Variants in SPOP observed in about 807,000 individuals in gnomAD.
SPOP encodes speckle-type POZ protein.
Under a neutral mutation model 45.6 loss-of-function variants are expected in SPOP, and 11 were observed. The observed-to-expected ratio is 0.24, with a 90% confidence interval of 0.15 to 0.40. The LOEUF is 0.40. Ranked by LOEUF, SPOP falls within the 10% of genes least tolerant of loss-of-function variation. The probability of loss-of-function intolerance (pLI) is 1.00; values close to 1 mark genes in which losing one functional copy is unlikely to be tolerated. For missense variants in SPOP, 152 were observed against 465.6 expected, an observed-to-expected ratio of 0.33 and a Z score of 6.20; for synonymous variants, 166 against 166.3, an observed-to-expected ratio of 1.00 and a Z score of 0.01.
At chr17:49,648,130 T>C (rs186196245) in intron 1 of SPOP, among the ~76,000 whole-genome samples, 28 of 152,354 alleles carry the variant, frequency 1.8e-4, no homozygotes, top group Admixed American at 1.6e-3. Flanking sequence ...TTATCCATTT[T>C]TGTCCAAGCC....
intron 2 of SPOP, 54 bp downstream of exon 2, chr17:49,622,679 G>A (rs559616694): frequency 4.0e-6 from 6 of 1,505,266 alleles, no homozygotes; most frequent in East Asian, 4.5e-5. Flanking sequence ...TACTCCTTTC[G>A]TCCACCAAAT....
intron 6 of SPOP, among the ~76,000 whole-genome samples, chr17:49,608,380 T>C (rs2071894617): frequency 6.6e-6 from 1 of 152,198 alleles, no homozygotes. Context: ...TGGCATCCAC[T>C]AACCAGATGA....
intron 5 of SPOP, among the ~76,000 whole-genome samples, chr17:49,612,309 T>A (rs1018052113): frequency 1.3e-5 from 2 of 152,232 alleles, no homozygotes; most frequent in African/African-American, 4.8e-5. Flanking sequence ...TTAATGAACA[T>A]GACATTATTG....
chr17:49,645,059 T>G (rs1218552814), intron 1 of SPOP, among the ~76,000 whole-genome samples: 1 of 152,134 alleles, frequency 6.6e-6, no homozygotes, highest in African/African-American at 2.4e-5. Context: ...CTTAATGACT[T>G]GTGATATAGG....
At chr17:49,656,644 T>C (rs973959706) in intron 1 of SPOP, among the ~76,000 whole-genome samples, 7 of 152,226 alleles carry the variant, frequency 4.6e-5, no homozygotes, top group Non-Finnish European at 8.8e-5. Flanking sequence ...AAGTCCTACC[T>C]TGTTCTGAAG....
chr17:49,677,689 G>C (rs970578196), intron 1 of SPOP, among the ~76,000 whole-genome samples: 5 of 152,170 alleles, frequency 3.3e-5, no homozygotes, highest in African/African-American at 9.7e-5. Context: ...GGAAATGATG[G>C]GGGGGCTGAA....
chr17:49,624,322 C>T (rs774888612), intron 1 of SPOP, among the ~76,000 whole-genome samples: 2 of 92,170 alleles, frequency 2.2e-5, no homozygotes, highest in South Asian at 3.6e-4. Flanking sequence ...CACACACACG[C>T]GCGCGCGCGC....
At chr17:49,676,870 T>C (rs1262521977) in intron 1 of SPOP, among the ~76,000 whole-genome samples, 1 of 152,234 alleles carries the variant, frequency 6.6e-6, no homozygotes, top group Non-Finnish European at 1.5e-5. Flanking sequence ...CATTTCTTTT[T>C]GTTATCTGCC....
chr17:49,653,347 G>C (rs140839102), intron 1 of SPOP, among the ~76,000 whole-genome samples: 120 of 151,836 alleles, frequency 7.9e-4, no homozygotes, highest in African/African-American at 2.7e-3. Flanking sequence ...TTTAGAGAGG[G>C]ATTTTTTATA....
At chr17:49,655,632 C>A (rs2072899178) in intron 1 of SPOP, among the ~76,000 whole-genome samples, 1 of 151,942 alleles carries the variant, frequency 6.6e-6, no homozygotes, top group African/African-American at 2.4e-5. Flanking sequence ...TTTACGTAGC[C>A]TGGACATAGA....
intron 1 of SPOP, among the ~76,000 whole-genome samples, chr17:49,645,726 AT>A (rs1277933566): frequency 2.0e-5 from 3 of 152,146 alleles, no homozygotes; most frequent in Non-Finnish European, 4.4e-5. Flanking sequence ...ATCATCTCAA[AT>A]TTTAGTACCT....
intron 1 of SPOP, among the ~76,000 whole-genome samples, chr17:49,644,249 G>A (rs2072712938): frequency 6.6e-6 from 1 of 152,058 alleles, no homozygotes; most frequent in Non-Finnish European, 1.5e-5. Context: ...AAATTTATCA[G>A]ATTCCAAAAA....
chr17:49,632,713 G>C (rs913753973), intron 1 of SPOP, among the ~76,000 whole-genome samples: 3 of 151,986 alleles, frequency 2.0e-5, no homozygotes, highest in Admixed American at 6.6e-5. Context: ...GGCTGGTCTC[G>C]AACTCCTCAC....
intron 3 of SPOP, among the ~76,000 whole-genome samples, chr17:49,620,186 A>G (rs980781710): frequency 4.7e-5 from 7 of 150,352 alleles, no homozygotes; most frequent in African/African-American, 1.5e-4. Context: ...AGAAAAAGAA[A>G]AAAAAAAGAA....
chr17:49,622,338 C>G (rs1029606153), intron 2 of SPOP: 2 of 581,074 alleles, frequency 3.4e-6, no homozygotes, highest in African/African-American at 3.7e-5. Context: ...AAACCCACCA[C>G]CACCATGGAC....
intron 3 of SPOP, chr17:49,620,680 A>G (rs942689447): frequency 1.5e-4 from 23 of 154,142 alleles, no homozygotes; most frequent in African/African-American, 5.1e-4. Context: ...TCTGTTACGG[A>G]GAGATCAAAA....
rs373342811 is a variant in SPOP at position 49,663,795 on chromosome 17, T to G, written c.-67+14138A>C. ...CAGACATTTTCTTGAAAATGGAGTC[T>G]GTCACTTTGAGGAAAACAAGTGACA... is the stretch of plus-strand genomic sequence containing the variant. On this transcript the variant is annotated intron_variant, in intron 1 of 9. Coordinates refer to ENST00000504102, the MANE Select transcript of SPOP (RefSeq NM_001007228.2). Among the ~76,000 whole-genome samples the G allele has an allele frequency of 5.3e-5, 8 of 152,332 alleles. 1 individual carries two copies. The East Asian group carries it at 1.2e-3, about 22-fold the overall frequency.
intron 1 of SPOP, chr17:49,636,256 C>G (rs939778828): frequency 1.3e-5 from 2 of 152,116 alleles, no homozygotes; most frequent in Admixed American, 6.6e-5. Context: ...CCTCAGCCTC[C>G]CAAAGTGCTG....
At chr17:49,667,178 T>TAAAAAAAAAAAAAAAAAAAAAATA (rs2073072233) in intron 1 of SPOP, among the ~76,000 whole-genome samples, 1 of 103,614 alleles carries the variant, frequency 9.7e-6, no homozygotes, top group Non-Finnish European at 1.9e-5. Flanking sequence ...AACGCTGTCT[T>TAAAAAAAAAAAAAAAAAAAAAATA]AAAAAAAAAA....
Sources: gnomAD v4.1 joint callset for allele counts (sites outside exome capture counted in the v4.1 genomes callset) on GRCh38, gnomAD v4.1.1 for gene constraint, MANE v1.5 for transcripts, NCBI Gene and HGNC (gene_info 2026-07-23, HGNC 2026-07-21) for gene names.